The following ACTL6A variants were observed in gnomAD, a reference collection of about 807,000 sequenced individuals.
The protein encoded by ACTL6A is actin like 6A, also known as actin-like protein 6A.
A neutral mutation model predicts 59.2 loss-of-function variants in ACTL6A; 5 were observed. The ratio of observed to expected loss-of-function variants is 0.08; its 90% confidence interval spans 0.04 to 0.18. The LOEUF is 0.18. Among genes scored for constraint, ACTL6A ranks in the 10% least tolerant of loss-of-function variants. The probability of loss-of-function intolerance (pLI) is 1.00; values close to 1 mark genes in which losing one functional copy is unlikely to be tolerated. For synonymous variants in ACTL6A, 154 were observed against 171.8 expected (o/e 0.90, Z 0.81); for missense variants, 285 against 526.9 (o/e 0.54, Z 4.49).
At chr3:179,581,830 G>A (rs982382533) in intron 11 of ACTL6A, among the ~76,000 whole-genome samples, 1 of 152,116 alleles carries the variant, frequency 6.6e-6, no homozygotes, top group African/African-American at 2.4e-5. Context: ...TAACTGAAAC[G>A]ATGTACAGTA....
Position 179,583,485 on chromosome 3 carries a change from C to A in ACTL6A, c.1122+37C>A. ...TTGTTCTTTAATGGTATTCTTCAGT[C>A]ATATATTTCCTCACTGATGGTGTAA... On this transcript the variant is annotated intron_variant, in intron 12 of 13. Transcript: ENST00000429709. The A allele has an allele frequency of 2.7e-6, 4 of 1,499,724 alleles. No homozygotes were observed. The South Asian group carries it at 4.6e-5, about 17-fold the overall frequency. The allele number at this position is 1,499,724 out of a possible 1,614,324, so 92.9% of individuals were successfully genotyped here. A position where few individuals can be genotyped will look rare whatever the true frequency, so the allele number is the denominator to read the frequency against.
chr3:179,575,405 T>C (rs1264948029), intron 5 of ACTL6A: 1 of 456,732 alleles, frequency 2.2e-6, no homozygotes, highest in Non-Finnish European at 4.4e-6. Flanking sequence ...TTTTACAGCT[T>C]TATTCATCAT....
In ACTL6A at chr3:179,570,476, C is replaced by G; in HGVS notation, c.277+235C>G. 1 of 400,294 alleles carries G rather than the reference C, an allele frequency of 2.5e-6. No individual in the cohort carries two copies. Among genetic ancestry groups the G allele is most frequent in the Non-Finnish European group, 4.5e-6 (1 of 222,976 alleles). The allele number at this position is 400,294 out of a possible 1,614,324, so 24.8% of individuals were successfully genotyped here. A position where few individuals can be genotyped will look rare whatever the true frequency, so the allele number is the denominator to read the frequency against. On this transcript the variant is annotated intron_variant, in intron 3 of 13. Coordinates refer to ENST00000429709, the MANE Select transcript of ACTL6A (RefSeq NM_004301.5). The surrounding 1 kb of genome is among the most constrained non-coding windows in gnomAD (Gnocchi z 4.3). ...AGATGTATATATACAAATAATGGTA[C>G]ACTGTGGGATAAGTGGTACAATATA... is the stretch of plus-strand genomic sequence containing the variant.
Position 179,573,366 on chromosome 3 carries a change from T to C in ACTL6A, c.278-3T>C. On this transcript the variant is annotated splice_region_variant and splice_polypyrimidine_tract_variant and intron_variant, in intron 3 of 13. Transcript: ENST00000429709. ...TTTCCAAGTTACTAATCTTATATTC[T>C]AGTTGAAGACTGGGATAGTTTCCAA... 1 of 1,552,910 alleles carries C rather than the reference T, an allele frequency of 6.4e-7. No homozygotes were observed. Among genetic ancestry groups the C allele is most frequent in the Non-Finnish European group, 8.7e-7 (1 of 1,151,594 alleles).
At chr3:179,563,281 C>T (rs1207119197) in intron 1 of ACTL6A, 164 bp downstream of exon 1, 2 of 1,219,212 alleles carry the variant, frequency 1.6e-6, no homozygotes, top group African/African-American at 1.5e-5. Flanking sequence ...GCCCCCGGAG[C>T]CCACCCGGCT....
intron 3 of ACTL6A, among the ~76,000 whole-genome samples, chr3:179,571,065 G>T (rs1284086604): frequency 1.3e-5 from 2 of 152,148 alleles, no homozygotes; most frequent in Non-Finnish European, 2.9e-5. Context: ...ACTCTGAACA[G>T]AGAGTACCAT....
rs369462347 is a variant in ACTL6A at position 179,563,309 on chromosome 3, T to G, written c.25+192T>G. 3.5e-4 allele frequency: 335 copies of G among 966,864 alleles called. 1 individual carries two copies. The African/African-American group carries it at 3.9e-3, about 11-fold the overall frequency. 59.9% of individuals were successfully genotyped at this position (966,864 alleles called of 1,614,324 possible). A position where few individuals can be genotyped will look rare whatever the true frequency, so the allele number is the denominator to read the frequency against. On this transcript the variant is annotated intron_variant, in intron 1 of 13. Coordinates refer to ENST00000429709, the MANE Select transcript of ACTL6A (RefSeq NM_004301.5). ...ACCCGGCTCGCCGTGCTCCTCGGGCTCCCTGAAGTGGCGGCTCTCTGTGGC... is the reference window on the plus strand; with the variant it reads ...ACCCGGCTCGCCGTGCTCCTCGGGCGCCCTGAAGTGGCGGCTCTCTGTGGC...
At position 179,570,200 on chromosome 3, in the gene ACTL6A, G is replaced by A. The variant is rs1214034628; in HGVS notation, c.236G>A (p.Arg79Lys). 1 of 1,613,776 alleles carries A rather than the reference G, an allele frequency of 6.2e-7. No individual in the cohort carries two copies. The highest frequency in any genetic ancestry group is 1.7e-5 in the Admixed American group (1 of 59,932). ...GATACTAATGCTCTGCGTGTTCCGA[G>A]GGAGAATATGGAGGCCATTTCACCT... ...YIDTNALRVP[R>K]ENMEAISPLK... Residue 79 changes from arginine (R) to lysine (K), a missense_variant, in exon 3 of 14, where the codon AGG becomes AAG. Transcript: ENST00000429709. The surrounding 1 kb of genome is among the most constrained non-coding windows in gnomAD (Gnocchi z 4.3).
intron 1 of ACTL6A, among the ~76,000 whole-genome samples, chr3:179,564,747 C>T (rs1249607190): frequency 6.6e-6 from 1 of 152,112 alleles, no homozygotes; most frequent in Non-Finnish European, 1.5e-5. Flanking sequence ...TGAGTACTTG[C>T]TATGTGGCAG....
At chr3:179,576,148 G>C in intron 5 of ACTL6A, 69 bp from the exon 6 acceptor site, 1 of 1,093,356 alleles carries the variant, frequency 9.1e-7, no homozygotes, top group South Asian at 1.3e-5. Flanking sequence ...CATTATAAGA[G>C]CCTGCCCTTT....
At chr3:179,563,277 G>A in intron 1 of ACTL6A, 160 bp downstream of exon 1, 7 of 1,225,496 alleles carry the variant, frequency 5.7e-6, no homozygotes, top group Non-Finnish European at 7.7e-6. Context: ...GCCCGCCCCC[G>A]GAGCCCACCC....
intron 8 of ACTL6A, among the ~76,000 whole-genome samples, chr3:179,577,495 A>G (rs1718202475): frequency 6.6e-6 from 1 of 152,186 alleles, no homozygotes; most frequent in South Asian, 2.1e-4. Context: ...AAAACAAAAA[A>G]AAACTGTTAC....
At chr3:179,587,226 C>T (rs953887433) in intron 13 of ACTL6A, among the ~76,000 whole-genome samples, 6 of 151,604 alleles carry the variant, frequency 4.0e-5, no homozygotes, top group East Asian at 1.9e-4. Context: ...TGTATATATA[C>T]AGTTTATATA....
intron 8 of ACTL6A, among the ~76,000 whole-genome samples, chr3:179,579,389 T>A (rs1718263811): frequency 1.3e-5 from 2 of 151,704 alleles, no homozygotes; most frequent in Non-Finnish European, 2.9e-5. Flanking sequence ...ATTATATGAG[T>A]CATAATTTAC....
chr3:179,567,539 G>A (rs1321741317), intron 1 of ACTL6A, among the ~76,000 whole-genome samples: 5 of 152,160 alleles, frequency 3.3e-5, no homozygotes, highest in East Asian at 3.8e-4. Context: ...GGCTCCTGGC[G>A]CAGGGCAAAA....
rs1718209534 is a variant in ACTL6A, at chr3:179,577,676, T to C, written c.768+763T>C. 2.0e-5 allele frequency among the ~76,000 whole-genome samples: 3 copies of C among 152,168 alleles called. No homozygotes were observed. In the South Asian group the frequency reaches 6.2e-4, roughly 32 times the overall value. On this transcript the variant is annotated intron_variant, in intron 8 of 13. Transcript: ENST00000429709. ...GTCCAACTGTCTGTTGTTCCCTTCTTTGTGTCCATGTGTTCTCATCATCTA... is the reference window on the plus strand; with the variant it reads ...GTCCAACTGTCTGTTGTTCCCTTCTCTGTGTCCATGTGTTCTCATCATCTA...
chr3:179,564,193 T>A (rs1717762405), intron 1 of ACTL6A, among the ~76,000 whole-genome samples: 1 of 152,194 alleles, frequency 6.6e-6, no homozygotes, highest in Non-Finnish European at 1.5e-5. Context: ...ATAATTCATG[T>A]GTTGGGTTGT....
At chr3:179,583,667 G>T (rs763189813) in intron 12 of ACTL6A, 25 of 388,818 alleles carry the variant, frequency 6.4e-5, no homozygotes, top group South Asian at 2.6e-4. Flanking sequence ...ATTTAAATAT[G>T]TATAGTCTGC....
chr3:179,583,821 C>G (rs1412904720), intron 12 of ACTL6A: 1 of 158,816 alleles, frequency 6.3e-6, no homozygotes, highest in Non-Finnish European at 1.4e-5. Context: ...ACTTAACTCT[C>G]TAGGAGTATC....
Sources: allele counts gnomAD v4.1 joint callset (sites outside exome capture counted in the v4.1 genomes callset), GRCh38; gene constraint gnomAD v4.1.1; non-coding constraint Gnocchi (gnomAD v3.1); transcripts MANE v1.5; gene names NCBI Gene and HGNC (gene_info 2026-07-23, HGNC 2026-07-21).